The following KLHL14 variants were observed in gnomAD, a reference collection of about 807,000 sequenced individuals.
The protein encoded by KLHL14 is kelch like family member 14, also known as kelch-like protein 14.
KLHL14 carries 22 observed loss-of-function variants against 64.3 expected under a neutral mutation model. The observed-to-expected ratio is 0.34, with a 90% CI of 0.24 to 0.49. The LOEUF (loss-of-function observed/expected upper bound fraction) is 0.49, where lower values mean the gene tolerates loss of function less well. Ranked by LOEUF, KLHL14 falls within the 20% of genes least tolerant of loss-of-function variation. KLHL14 has a pLI of 0.99. For missense variants in KLHL14, 661 were observed against 789.0 expected (o/e 0.84, Z 1.94); for synonymous variants, 322 against 333.4 (o/e 0.97, Z 0.37).
intron 3 of KLHL14, among the ~76,000 whole-genome samples, chr18:32,720,282 CAGTG>C (rs1205056546): frequency 3.9e-5 from 6 of 152,172 alleles, no homozygotes; most frequent in Admixed American, 1.3e-4. Context: ...TAAGACTTGA[CAGTG>C]AGAATGGGAT....
At position 32,769,942 on chromosome 18, in the gene KLHL14, T is replaced by C. The variant is rs912259663; in HGVS notation, c.650A>G (p.Asn217Ser). 11 of 1,613,994 alleles carry C rather than the reference T, an allele frequency of 6.8e-6. No homozygotes were observed. Among genetic ancestry groups the C allele is most frequent in the Non-Finnish European group, 9.3e-6 (11 of 1,180,030 alleles). ...KYLVEDVLLL[N>S]FEEMRALLDS... Reference sequence around the variant, plus strand: ...CAGCAGGGCGCGCATCTCCTCGAAGTTGAGCAGCAGCACATCCTCCACCAG... The same window carrying C: ...CAGCAGGGCGCGCATCTCCTCGAAGCTGAGCAGCAGCACATCCTCCACCAG... Residue 217 changes from asparagine to serine, a missense_variant, in exon 2 of 9, where the codon AAC (asparagine) becomes AGC (serine). Physicochemically the swap from Asn to Ser is conservative, Grantham distance 46. Around this residue, in one of 2 missense-constraint regions of KLHL14, gnomAD observed 331 missense variants for 339.0 expected, o/e 0.98. Transcript: ENST00000359358.
rs1319146144 is a variant in KLHL14 at position 32,772,807 on chromosome 18, A to G, written c.-184T>C. ...CCAACTCCAGGCAGTCACTCTTTAC[A>G]ATTTATTTTGTCGTACATCATTTGA... On this transcript the variant is annotated 5_prime_UTR_variant, in exon 1 of 9. Transcript: ENST00000359358. The G allele has an allele frequency of 2.6e-5, 4 of 152,960 alleles. No homozygotes were observed. The highest frequency in any genetic ancestry group is 9.6e-5 in the African/African-American group (4 of 41,454). The allele number at this position is 152,960 out of a possible 1,614,324, so 9.5% of individuals were successfully genotyped here. A position where few individuals can be genotyped will look rare whatever the true frequency, so the allele number is the denominator to read the frequency against.
chr18:32,748,543 G>C (rs1332885586), intron 2 of KLHL14, among the ~76,000 whole-genome samples: 1 of 151,708 alleles, frequency 6.6e-6, no homozygotes, highest in African/African-American at 2.4e-5. Flanking sequence ...CTAATTTTTT[G>C]TATATTTAGT....
intron 4 of KLHL14, among the ~76,000 whole-genome samples, chr18:32,693,413 C>CAGAGAGAGAGAGAGAGAGAGAGAG (rs56135629): frequency 4.1e-5 from 4 of 97,036 alleles, no homozygotes; most frequent in African/African-American, 1.5e-4. Context: ...CACACACACA[C>CAGAGAGAGAGAGAGAGAGAGAGAG]AGAGAGAGAG....
At chr18:32,746,491 G>A (rs2050224523) in intron 2 of KLHL14, among the ~76,000 whole-genome samples, 1 of 152,220 alleles carries the variant, frequency 6.6e-6, no homozygotes, top group South Asian at 2.1e-4. Flanking sequence ...TCATCATACT[G>A]GTGTTCTAAG....
In KLHL14 at chr18:32,770,348, TG is replaced by T; in HGVS notation, c.243del (p.Lys82ArgfsTer35). 1 of 1,584,782 alleles carries T rather than the reference TG, an allele frequency of 6.3e-7. No homozygotes were observed. The highest frequency in any genetic ancestry group is 8.6e-7 in the Non-Finnish European group (1 of 1,165,884). ...GVGGQDGLGAPKDQQQPPQQQ... is the reference protein window; with the variant it reads ...GVGGQDGLGAXKDQQQPPQQQ... ...TGCTGCGGCGGCTGCTGCTGGTCCT[TG>T]GGGGCCCCCAGGCCGTCCTGGCCGC... On this transcript the variant is annotated frameshift_variant, in exon 2 of 9. Transcript: ENST00000359358. LOFTEE classifies it high-confidence loss of function. The surrounding 1 kb of genome is among the most constrained non-coding windows in gnomAD (Gnocchi z 6.7).
At chr18:32,676,252 G>T (rs2144461387) in intron 8 of KLHL14, among the ~76,000 whole-genome samples, 1 of 152,266 alleles carries the variant, frequency 6.6e-6, no homozygotes, top group South Asian at 2.1e-4. Context: ...GACTCCACAA[G>T]GAAGTCATTA....
chr18:32,770,770 T>A lies in KLHL14; in HGVS notation c.-43-136A>T. The A allele has an allele frequency of 1.7e-6, 1 of 584,840 alleles. No individual in the cohort carries two copies. Among genetic ancestry groups the A allele is most frequent in the East Asian group, 3.3e-5 (1 of 30,692 alleles). The allele number at this position is 584,840 out of a possible 1,614,324, so 36.2% of individuals were successfully genotyped here. ...ATCAAGGCTCAGCTTGACTCCCTCC[T>A]GGCGCGCTCCGGACCCCGACCCTAG... On this transcript the variant is annotated intron_variant, in intron 1 of 8. Transcript: ENST00000359358. This position sits in a 1 kb window ranked among gnomAD's most constrained non-coding sequence, Gnocchi z 6.7.
intron 3 of KLHL14, among the ~76,000 whole-genome samples, chr18:32,714,488 A>G (rs1260869015): frequency 1.3e-5 from 2 of 152,202 alleles, no homozygotes; most frequent in African/African-American, 4.8e-5. Flanking sequence ...GTAATTATAG[A>G]TACATAGTTG....
intron 2 of KLHL14, among the ~76,000 whole-genome samples, chr18:32,746,796 T>C (rs547630736): frequency 9.2e-5 from 14 of 152,232 alleles, no homozygotes; most frequent in Non-Finnish European, 2.1e-4. Flanking sequence ...AACTTTGAGG[T>C]AATCTAGTTC....
At chr18:32,729,353 G>C (rs1000875862) in intron 3 of KLHL14, among the ~76,000 whole-genome samples, 1 of 151,880 alleles carries the variant, frequency 6.6e-6, no homozygotes, top group South Asian at 2.1e-4. Flanking sequence ...AATAAAATTA[G>C]AAATTGAGTT....
chr18:32,681,431 G>T (rs2049838090), intron 5 of KLHL14, among the ~76,000 whole-genome samples: 1 of 152,096 alleles, frequency 6.6e-6, no homozygotes, highest in Non-Finnish European at 1.5e-5. Flanking sequence ...ATATTTTAAA[G>T]GAAGAAGATG....
intron 3 of KLHL14, among the ~76,000 whole-genome samples, chr18:32,704,214 G>C (rs1305010960): frequency 6.6e-6 from 1 of 152,194 alleles, no homozygotes; most frequent in Non-Finnish European, 1.5e-5. Context: ...CAACAGGATA[G>C]CAAAAATGAT....
At chr18:32,772,443 C>G (rs1335030852) in intron 1 of KLHL14, among the ~76,000 whole-genome samples, 1 of 151,962 alleles carries the variant, frequency 6.6e-6, no homozygotes, top group African/African-American at 2.4e-5. Context: ...TTGTCTCCCC[C>G]CGCCCCATCT....
At chr18:32,674,901 C>T (rs1239003089) in intron 8 of KLHL14, 104 bp from the exon 9 acceptor site, 11 of 619,950 alleles carry the variant, frequency 1.8e-5, no homozygotes, top group Admixed American at 6.9e-5. Context: ...AATATCTGTT[C>T]TCCATTCTTG....
intron 3 of KLHL14, among the ~76,000 whole-genome samples, chr18:32,735,403 T>C (rs1488581329): frequency 6.6e-6 from 1 of 152,184 alleles, no homozygotes; most frequent in African/African-American, 2.4e-5. Flanking sequence ...ATTGTGAGCC[T>C]GCCATTGAAG....
chr18:32,674,935 A>G (rs2049803807), intron 8 of KLHL14, 138 bp from the exon 9 acceptor site: 1 of 573,894 alleles, frequency 1.7e-6, no homozygotes, highest in Non-Finnish European at 3.2e-6. Context: ...AATGAAAGCA[A>G]TGGATTTTAA....
rs962560594 is a variant in KLHL14 at position 32,690,526 on chromosome 18, C to T, written c.1160-3293G>A. ...GGGCAGATCTTTGAAGTCAGGAGTT[C>T]GAGACCAGCCTGGCCAACATGGTGA... On this transcript the variant is annotated intron_variant, in intron 4 of 8. Transcript: ENST00000359358. Among the ~76,000 whole-genome samples the T allele has an allele frequency of 2.8e-4, 42 of 151,938 alleles. 1 individual carries two copies. Among genetic ancestry groups the T allele is most frequent in the African/African-American group, 9.7e-4 (40 of 41,372 alleles).
At chr18:32,737,088 C>T (rs751352057) in intron 3 of KLHL14, among the ~76,000 whole-genome samples, 19 of 152,004 alleles carry the variant, frequency 1.2e-4, no homozygotes, top group African/African-American at 4.6e-4. Context: ...TTTTCAGAGT[C>T]GTTCAAAAGT....
Sources: gnomAD v4.1 joint callset for allele counts (sites outside exome capture counted in the v4.1 genomes callset) on GRCh38, gnomAD v4.1.1 for gene constraint, gnomAD v4.1.1 regional missense constraint, Gnocchi (gnomAD v3.1) non-coding constraint, MANE v1.5 for transcripts, NCBI Gene and HGNC (gene_info 2026-07-23, HGNC 2026-07-21) for gene names.